The following VANGL1 variants were observed in gnomAD, a reference collection of about 807,000 sequenced individuals.
VANGL1 encodes the protein VANGL planar cell polarity protein 1, also known as vang-like protein 1.
A neutral mutation model predicts 48.4 loss-of-function variants in VANGL1; 18 were observed. The ratio of observed to expected loss-of-function variants is 0.37; its 90% CI spans 0.26 to 0.55. The LOEUF (loss-of-function observed/expected upper bound fraction) is 0.55, where lower values mean the gene tolerates loss of function less well. VANGL1 is among the 20% of genes least tolerant of loss of function. VANGL1 has a pLI of 0.81. For missense variants in VANGL1, 667 were observed against 675.8 expected (o/e 0.99, Z 0.14); for synonymous variants, 257 against 261.8 (o/e 0.98, Z 0.18).
chr1:115,691,311 T>A lies in VANGL1; in HGVS notation c.1507T>A (p.Ser503Thr), dbSNP rs771003230. Residue 503 changes from serine to threonine, a missense_variant, in exon 8 of 8, where the codon TCT becomes ACT. Transcript: ENST00000355485. ...GAAGAAAATTCCATTCATCATACTCTCTGAAGAGTTCATAGACCCCAAATC... is the reference window on the plus strand; with the variant it reads ...GAAGAAAATTCCATTCATCATACTCACTGAAGAGTTCATAGACCCCAAATC... ...NVKKIPFIIL[S>T]EEFIDPKSHK... The A allele has an allele frequency of 6.2e-7, 1 of 1,614,114 alleles. No homozygotes were observed. Among genetic ancestry groups the A allele is most frequent in the Admixed American group, 1.7e-5 (1 of 60,016 alleles).
chr1:115,686,168 C>A (rs1342443132), intron 7 of VANGL1, among the ~76,000 whole-genome samples: 1 of 151,966 alleles, frequency 6.6e-6, no homozygotes, highest in Non-Finnish European at 1.5e-5. Context: ...CTCATTGATA[C>A]AACAGCAAAC....
chr1:115,682,594 C>A, intron 5 of VANGL1, 97 bp downstream of exon 5: 1 of 1,568,530 alleles, frequency 6.4e-7, no homozygotes, highest in Non-Finnish European at 8.7e-7. Flanking sequence ...CTTCTCTGGG[C>A]CTACCTTTAT....
intron 3 of VANGL1, among the ~76,000 whole-genome samples, chr1:115,662,591 AC>A (rs1652601052): frequency 6.6e-6 from 1 of 152,234 alleles, no homozygotes; most frequent in African/African-American, 2.4e-5. Flanking sequence ...GTAAAAGATA[AC>A]ATTTTAATAA....
intron 4 of VANGL1, among the ~76,000 whole-genome samples, chr1:115,677,337 A>G (rs1227040514): frequency 6.6e-6 from 1 of 152,254 alleles, no homozygotes; most frequent in Non-Finnish European, 1.5e-5. Context: ...TTCGTGGTTG[A>G]TTAGACACAA....
At chr1:115,687,921 T>G (rs2101034898) in intron 7 of VANGL1, among the ~76,000 whole-genome samples, 1 of 131,690 alleles carries the variant, frequency 7.6e-6, no homozygotes, top group East Asian at 2.1e-4. Context: ...CCCCGGCCTA[T>G]ATATATCATT....
intron 4 of VANGL1, among the ~76,000 whole-genome samples, chr1:115,664,703 AG>A (rs1652706085): frequency 1.3e-5 from 2 of 152,176 alleles, no homozygotes; most frequent in Non-Finnish European, 2.9e-5. Flanking sequence ...TCCCACTCTC[AG>A]AGGCCTGGTT....
intron 4 of VANGL1, among the ~76,000 whole-genome samples, chr1:115,676,677 T>C (rs939690962): frequency 3.9e-5 from 6 of 152,210 alleles, no homozygotes; most frequent in Non-Finnish European, 7.3e-5. Flanking sequence ...AGTCTCATAA[T>C]GTCATAGAAC....
intron 1 of VANGL1, among the ~76,000 whole-genome samples, chr1:115,648,096 A>T (rs1259103115): frequency 6.6e-6 from 1 of 152,196 alleles, no homozygotes; most frequent in Non-Finnish European, 1.5e-5. Flanking sequence ...GTAGTAACAT[A>T]AGCGGCATCA....
At chr1:115,660,466 C>T (rs1477700868) in intron 3 of VANGL1, among the ~76,000 whole-genome samples, 3 of 152,166 alleles carry the variant, frequency 2.0e-5, no homozygotes, top group Non-Finnish European at 4.4e-5. Flanking sequence ...ATGTGGAATC[C>T]TAACTTTACA....
rs1160604732 is a variant in VANGL1 at position 115,687,205 on chromosome 1, GTGT to G, written c.1314+1680_1314+1682del. ...ATACACATGAATATACACAAAGGTGGTGTTTTGCAAAACAATCTGTAATCCTCC... is the reference window on the plus strand; with the variant it reads ...ATACACATGAATATACACAAAGGTGGTTTGCAAAACAATCTGTAATCCTCC... On this transcript the variant is annotated intron_variant, in intron 7 of 7. Transcript: ENST00000355485. 1.3e-4 allele frequency among the ~76,000 whole-genome samples: 18 copies of G among 138,846 alleles called. 4 individuals are homozygous for G. 91.1% of individuals were successfully genotyped at this position (138,846 alleles called of 152,430 possible).
At chr1:115,653,691 G>T (rs576684881) in intron 2 of VANGL1, among the ~76,000 whole-genome samples, 1 of 152,170 alleles carries the variant, frequency 6.6e-6, no homozygotes, top group Non-Finnish European at 1.5e-5. Context: ...CAATGCCCTT[G>T]TAGTAACTTT....
chr1:115,663,631 A>T, intron 3 of VANGL1, 30 bp from the exon 4 acceptor site: 1 of 1,613,996 alleles, frequency 6.2e-7, no homozygotes, highest in Non-Finnish European at 8.5e-7. Flanking sequence ...GACCTGTGTC[A>T]TGTCATCCTC....
Position 115,685,279 on chromosome 1 carries a change from G to A in VANGL1, c.1080-14G>A. The A allele has an allele frequency of 6.8e-6, 11 of 1,613,518 alleles. No individual in the cohort carries two copies. The highest frequency in any genetic ancestry group is 9.3e-6 in the Non-Finnish European group (11 of 1,179,584). Reference sequence around the variant, plus strand: ...GGCACCATCCTGATTACTTAGTGTTGCATCACCTTCTAGGCTGGTGGTTGC... The same window carrying A: ...GGCACCATCCTGATTACTTAGTGTTACATCACCTTCTAGGCTGGTGGTTGC... On this transcript the variant is annotated splice_polypyrimidine_tract_variant and intron_variant, in intron 6 of 7. Transcript: ENST00000355485.
chr1:115,659,539 G>GTGTGTGTT (rs1491328138), intron 2 of VANGL1, 102 bp from the exon 3 acceptor site: 11 of 1,266,624 alleles, frequency 8.7e-6, no homozygotes, highest in South Asian at 1.2e-5. Context: ...GTGTGTGTGT[G>GTGTGTGTT]TATGTAGAAT....
intron 4 of VANGL1, among the ~76,000 whole-genome samples, chr1:115,673,486 A>C (rs1252132474): frequency 2.6e-5 from 4 of 151,160 alleles, no homozygotes; most frequent in African/African-American, 9.7e-5. Flanking sequence ...GCCTCTTCCT[A>C]GTTTCTGGTG....
chr1:115,681,483 G>A (rs1653380955), intron 4 of VANGL1, among the ~76,000 whole-genome samples: 1 of 149,896 alleles, frequency 6.7e-6, no homozygotes, highest in Admixed American at 6.8e-5. Flanking sequence ...GGTCTCAGCG[G>A]AGGCTCTCTT....
intron 4 of VANGL1, among the ~76,000 whole-genome samples, chr1:115,680,263 G>T (rs1653336281): frequency 6.6e-6 from 1 of 152,088 alleles, no homozygotes; most frequent in Admixed American, 6.5e-5. Context: ...CCTCAGGAAG[G>T]CTGCACCCTG....
At chr1:115,645,356 T>G (rs1651874308) in intron 1 of VANGL1, among the ~76,000 whole-genome samples, 1 of 152,204 alleles carries the variant, frequency 6.6e-6, no homozygotes, top group Admixed American at 6.5e-5. Context: ...ACTGAAGGAA[T>G]TTTACTCTAG....
In VANGL1 at chr1:115,691,138, T is replaced by G. The variant is rs755213383; in HGVS notation, c.1334T>G (p.Leu445Arg). The G allele has an allele frequency of 2.5e-6, 4 of 1,614,154 alleles. No homozygotes were observed. The South Asian group carries it at 4.4e-5, about 18-fold the overall frequency. The change falls in exon 8 of 8, where the codon CTC becomes CGC. Residue 445 changes from leucine to arginine, a missense_variant. By Grantham distance (102) the Leu-to-Arg change is moderately radical. Coordinates refer to ENST00000355485, the MANE Select transcript of VANGL1 (RefSeq NM_138959.3). ...TTCCAGGCCTTCCTAGAACGGTACC[T>G]CAGTGCGGGCCCCACCCTGCAATAT... Reference protein sequence around the residue: ...MTPKAFLERYLSAGPTLQYDK... With the variant: ...MTPKAFLERYRSAGPTLQYDK...
Sources: allele counts gnomAD v4.1 joint callset (sites outside exome capture counted in the v4.1 genomes callset), GRCh38; gene constraint gnomAD v4.1.1; transcripts MANE v1.5; gene names NCBI Gene and HGNC (gene_info 2026-07-23, HGNC 2026-07-21).